Variants in FBXO34 observed in about 807,000 individuals in gnomAD.
The protein encoded by FBXO34 is F-box protein 34, also known as F-box only protein 34.
A neutral mutation model predicts 24.5 loss-of-function variants in FBXO34; 12 were observed. The ratio of observed to expected loss-of-function variants is 0.49; its 90% CI spans 0.31 to 0.79. The LOEUF (loss-of-function observed/expected upper bound fraction) is 0.79. Among genes scored for constraint, FBXO34 ranks in the 30% least tolerant of loss-of-function variants. The pLI is 0.04. For synonymous variants in FBXO34, 320 were observed against 311.9 expected (o/e 1.03, Z -0.27); for missense variants, 823 against 857.7 (o/e 0.96, Z 0.51).
chr14:55,379,033 C>T, the FBXO34 span, among the ~76,000 whole-genome samples: 1 of 152,042 alleles, frequency 6.6e-6, no homozygotes, highest in Non-Finnish European at 1.5e-5. Context: ...TTTTAACGTT[C>T]TCCACAGCAC....
At chr14:55,394,198 G>A in the FBXO34 span, among the ~76,000 whole-genome samples, 1 of 146,106 alleles carries the variant, frequency 6.8e-6, no homozygotes, top group Non-Finnish European at 1.5e-5. Context: ...GTACAGATGG[G>A]GTTTCACCAT....
intron 1 of FBXO34, among the ~76,000 whole-genome samples, chr14:55,279,655 T>G (rs1018301828): frequency 1.3e-5 from 2 of 152,236 alleles, no homozygotes; most frequent in Admixed American, 6.5e-5. Context: ...AAATGTATTC[T>G]TGTGTCTCAT....
intron 1 of FBXO34, among the ~76,000 whole-genome samples, chr14:55,336,717 G>A (rs1883787715): frequency 6.6e-6 from 1 of 151,404 alleles, no homozygotes; most frequent in Non-Finnish European, 1.5e-5. Context: ...TATTTTGCAG[G>A]AAATCCCAGA....
At chr14:55,376,372 A>G in the FBXO34 span, among the ~76,000 whole-genome samples, 1 of 152,238 alleles carries the variant, frequency 6.6e-6, no homozygotes, top group Non-Finnish European at 1.5e-5. Flanking sequence ...CACAGAAACC[A>G]ACCATCAAAA....
downstream of FBXO34, among the ~76,000 whole-genome samples, chr14:55,363,002 G>A (rs138215671): frequency 2.9e-4 from 44 of 149,620 alleles, no homozygotes; most frequent in Middle Eastern, 3.4e-3. Context: ...CAATGCCACA[G>A]GACCCCTTTT....
chr14:55,318,003 C>A (rs753337714), intron 1 of FBXO34, among the ~76,000 whole-genome samples: 9 of 152,108 alleles, frequency 5.9e-5, no homozygotes, highest in Non-Finnish European at 1.2e-4. Flanking sequence ...TTATCTTCTA[C>A]TTTTAATTTC....
chr14:55,299,515 A>G (rs1394838560), intron 1 of FBXO34, among the ~76,000 whole-genome samples: 4 of 152,106 alleles, frequency 2.6e-5, no homozygotes, highest in Non-Finnish European at 1.5e-5. Context: ...CAAATTCTAG[A>G]TATGTCATAT....
chr14:55,313,763 A>G (rs1235695981), intron 1 of FBXO34, among the ~76,000 whole-genome samples: 1 of 152,174 alleles, frequency 6.6e-6, no homozygotes, highest in African/African-American at 2.4e-5. Context: ...CACTGTCATG[A>G]GAACAGCATG....
At chr14:55,291,206 GT>G (rs1262578430) in intron 1 of FBXO34, among the ~76,000 whole-genome samples, 1 of 152,092 alleles carries the variant, frequency 6.6e-6, no homozygotes, top group African/African-American at 2.4e-5. Context: ...CAATACACTT[GT>G]TTTCTCATAT....
rs770012727 is a variant in FBXO34, at chr14:55,352,018, C to T, written c.1628C>T (p.Pro543Leu). The stretch of plus-strand genomic sequence containing the variant: ...GCCTCTTCTGTGGAAAGTACATTAC[C>T]AGTGCTTGAGGCATCCAGTTGGAAG... ...LPASSVESTL[P>L]VLEASSWKKQ... The change falls in exon 2 of 2, where the codon CCA (proline) becomes CTA (leucine). Residue 543 changes from proline to leucine, a missense_variant. Around this residue, in one of 2 missense-constraint regions of FBXO34, gnomAD observed 693 missense variants for 659.1 expected, o/e 1.05. Coordinates refer to ENST00000313833, the MANE Select transcript of FBXO34 (RefSeq NM_017943.4). 3.5e-5 allele frequency: 56 copies of T among 1,614,018 alleles called. No individual in the cohort carries two copies. The highest frequency in any genetic ancestry group is 4.7e-5 in the Non-Finnish European group (55 of 1,180,046).
chr14:55,417,691 G>A, the FBXO34 span, among the ~76,000 whole-genome samples: 1 of 152,062 alleles, frequency 6.6e-6, no homozygotes, highest in African/African-American at 2.4e-5. Flanking sequence ...CAAACTCTTC[G>A]ACTCAAGTGA....
chr14:55,320,967 T>C (rs2140022224), intron 1 of FBXO34, among the ~76,000 whole-genome samples: 1 of 152,158 alleles, frequency 6.6e-6, no homozygotes, highest in East Asian at 1.9e-4. Flanking sequence ...TTCCTTTGGG[T>C]TAAATATTAA....
chr14:55,393,379 T>C, the FBXO34 span, among the ~76,000 whole-genome samples: 6 of 151,558 alleles, frequency 4.0e-5, no homozygotes, highest in African/African-American at 7.3e-5. Context: ...AGCGAGACTC[T>C]GTCTCAAAAA....
chr14:55,438,050 C>T, the FBXO34 span, among the ~76,000 whole-genome samples: 4 of 152,146 alleles, frequency 2.6e-5, no homozygotes, highest in African/African-American at 7.2e-5. Flanking sequence ...GGGAAAAAAT[C>T]GATTAGCTTG....
At chr14:55,382,013 A>T in the FBXO34 span, 1 of 1,614,186 alleles carries the variant, frequency 6.2e-7, no homozygotes, top group East Asian at 2.2e-5. Context: ...TAGGCAGAGT[A>T]GTCCCCATTG....
intron 1 of FBXO34, among the ~76,000 whole-genome samples, chr14:55,278,040 C>T (rs1015741809): frequency 6.6e-5 from 10 of 152,092 alleles, no homozygotes; most frequent in South Asian, 2.1e-4. Flanking sequence ...ACCGCAGCAC[C>T]GAGAACCATG....
the FBXO34 span, among the ~76,000 whole-genome samples, chr14:55,430,010 G>A: frequency 6.6e-6 from 1 of 151,990 alleles, no homozygotes; most frequent in African/African-American, 2.4e-5. Context: ...ACACAAGAAG[G>A]ACAGGAATTT....
chr14:55,365,719 G>A (rs1055054062), downstream of FBXO34, among the ~76,000 whole-genome samples: 1 of 152,124 alleles, frequency 6.6e-6, no homozygotes, highest in East Asian at 1.9e-4. Context: ...CACCCTGTTC[G>A]AGAACCCTTC....
intron 1 of FBXO34, among the ~76,000 whole-genome samples, chr14:55,331,101 A>T (rs569567626): frequency 2.0e-5 from 3 of 152,294 alleles, no homozygotes; most frequent in Non-Finnish European, 4.4e-5. Context: ...AATTTTTTTT[A>T]GACTTGTGAA....
Sources: gnomAD v4.1 joint callset for allele counts (sites outside exome capture counted in the v4.1 genomes callset) on GRCh38, gnomAD v4.1.1 for gene constraint, gnomAD v4.1.1 regional missense constraint, MANE v1.5 for transcripts, NCBI Gene and HGNC (gene_info 2026-07-23, HGNC 2026-07-21) for gene names.